WAC: variants seen among roughly 807,000 people sequenced by gnomAD.
The protein encoded by WAC is WW domain-containing adapter protein with coiled-coil.
In WAC, 11 loss-of-function variants were observed where a neutral mutation model predicts 79.6. That is an observed-to-expected ratio of 0.14 (90% CI 0.09 to 0.23). WAC has a LOEUF of 0.23. WAC is among the 10% of genes least tolerant of loss of function. The probability of loss-of-function intolerance (pLI) is 1.00; values close to 1 mark genes in which losing one functional copy is unlikely to be tolerated. For synonymous variants in WAC, 304 were observed against 276.9 expected (o/e 1.10, Z -0.97); for missense variants, 728 against 773.5 (o/e 0.94, Z 0.70).
chr10:28,582,905 A>G (rs529874642), intron 3 of WAC, among the ~76,000 whole-genome samples: 1 of 152,280 alleles, frequency 6.6e-6, no homozygotes, highest in African/African-American at 2.4e-5. Flanking sequence ...AACTTCTTGA[A>G]AAAAGTTGAT....
chr10:28,610,853 T>C (rs1485444462), intron 9 of WAC, 32 bp downstream of exon 9: 10 of 1,542,016 alleles, frequency 6.5e-6, no homozygotes, highest in Non-Finnish European at 8.7e-6. Context: ...ATCTCTAGAA[T>C]GGCATCTTGA....
At chr10:28,567,564 A>T (rs965887612) in intron 3 of WAC, among the ~76,000 whole-genome samples, 2 of 152,116 alleles carry the variant, frequency 1.3e-5, no homozygotes, top group Non-Finnish European at 2.9e-5. Flanking sequence ...GATCCAGGCA[A>T]AGATGTAGGG....
At chr10:28,550,332 A>T (rs1440539411) in intron 3 of WAC, among the ~76,000 whole-genome samples, 1 of 149,588 alleles carries the variant, frequency 6.7e-6, no homozygotes, top group Non-Finnish European at 1.5e-5. Flanking sequence ...ATGTGTTTTC[A>T]TAGCCAAAAT....
chr10:28,541,166 AC>A (rs1234430404), intron 3 of WAC, among the ~76,000 whole-genome samples: 1 of 152,044 alleles, frequency 6.6e-6, no homozygotes, highest in Non-Finnish European at 1.5e-5. Flanking sequence ...TTTTGGTGTA[AC>A]ATACTTGGGG....
rs191639583 is a variant in WAC at position 28,563,391 on chromosome 10, T to C, written c.275-20008T>C. On this transcript the variant is annotated intron_variant, in intron 3 of 13. Coordinates refer to ENST00000354911, the MANE Select transcript of WAC (RefSeq NM_016628.5). ...ACAAAAGAGTTAATAGTTCTCTATT[T>C]TAGGAAATATTTGTTAGAATTCTTA... Among the ~76,000 whole-genome samples, 4 of 152,304 alleles carry C rather than the reference T, an allele frequency of 2.6e-5. No individual in the cohort carries two copies. In the East Asian group the frequency reaches 7.7e-4, roughly 29 times the overall value.
chr10:28,619,513 C>T lies in WAC; in HGVS notation c.1875-24C>T, dbSNP rs770933130. The T allele has an allele frequency of 3.9e-6, 6 of 1,545,516 alleles. No individual in the cohort carries two copies. The Admixed American group carries it at 1.3e-4, about 34-fold the overall frequency. On this transcript the variant is annotated intron_variant, in intron 13 of 13. Coordinates refer to ENST00000354911, the MANE Select transcript of WAC (RefSeq NM_016628.5). ...TAATATTTGTATATGTACACAGGTT[C>T]TAATGTCTGCTTTTTTTTTTCAGGA...
At chr10:28,561,474 A>G (rs1838295840) in intron 3 of WAC, among the ~76,000 whole-genome samples, 1 of 151,340 alleles carries the variant, frequency 6.6e-6, no homozygotes, top group African/African-American at 2.4e-5. Context: ...ATTTAATCCA[A>G]AATGAAAAGT....
At chr10:28,566,030 A>T (rs78463437) in intron 3 of WAC, among the ~76,000 whole-genome samples, 1 of 152,168 alleles carries the variant, frequency 6.6e-6, no homozygotes, top group East Asian at 1.9e-4. Context: ...TTAAAAAAAA[A>T]TTAGAGTAAA....
At chr10:28,618,419 A>T (rs1841566321) in intron 13 of WAC, among the ~76,000 whole-genome samples, 3 of 152,238 alleles carry the variant, frequency 2.0e-5, no homozygotes, top group Admixed American at 2.0e-4. Flanking sequence ...TACCAAATGG[A>T]GTTTATAGTA....
chr10:28,566,851 T>C (rs1838645862), intron 3 of WAC, among the ~76,000 whole-genome samples: 1 of 152,128 alleles, frequency 6.6e-6, no homozygotes, highest in Non-Finnish European at 1.5e-5. Flanking sequence ...TTCAGTTCTT[T>C]ATTTTTGCTG....
chr10:28,612,788 A>T (rs975521448), intron 10 of WAC, among the ~76,000 whole-genome samples: 1 of 152,160 alleles, frequency 6.6e-6, no homozygotes. Context: ...TACAGTTGTT[A>T]GTTTATTATG....
At chr10:28,567,631 T>TTATTGGTATCTG (rs1395920376) in intron 3 of WAC, among the ~76,000 whole-genome samples, 2 of 152,104 alleles carry the variant, frequency 1.3e-5, no homozygotes, top group East Asian at 3.9e-4. Context: ...AAAAGGCAGT[T>TTATTGGTATCTG]TATTGGTACA....
rs1405777935 is a variant in WAC, at chr10:28,621,301, C to A, written c.*1695C>A. 7.1e-6 allele frequency: 1 copy of A among 140,046 alleles called. No individual in the cohort carries two copies. Among genetic ancestry groups the A allele is most frequent in the Non-Finnish European group, 1.5e-5 (1 of 66,020 alleles). The allele number at this position is 140,046 out of a possible 1,614,324, so 8.7% of individuals were successfully genotyped here. A position where few individuals can be genotyped will look rare whatever the true frequency, so the allele number is the denominator to read the frequency against. On this transcript the variant is annotated 3_prime_UTR_variant, in exon 14 of 14. Coordinates refer to ENST00000354911, the MANE Select transcript of WAC (RefSeq NM_016628.5). ...AGGGCTTATTTTTTATGTTAGACAT[C>A]AATGTCAATGTTACTACATTCTCGG... is the stretch of plus-strand genomic sequence containing the variant.
intron 3 of WAC, among the ~76,000 whole-genome samples, chr10:28,554,629 G>A (rs1327041291): frequency 1.3e-5 from 2 of 152,092 alleles, no homozygotes; most frequent in African/African-American, 2.4e-5. Flanking sequence ...TTCCCTCCCA[G>A]TTCATTCTCC....
rs377375899 is a variant in WAC at position 28,588,950 on chromosome 10, A to G, written c.382-786A>G. 3.3e-4 allele frequency: 51 copies of G among 152,320 alleles called. No homozygotes were observed. The East Asian group carries it at 9.6e-3, about 29-fold the overall frequency. The allele number at this position is 152,320 out of a possible 1,614,324, so 9.4% of individuals were successfully genotyped here. ...TGAAAAAATAAGGAATTCAACCAGG[A>G]TAGTTGAGATTCTACCAGATTTCCT... is the stretch of plus-strand genomic sequence containing the variant. On this transcript the variant is annotated intron_variant, in intron 4 of 13. Coordinates refer to ENST00000354911, the MANE Select transcript of WAC (RefSeq NM_016628.5).
chr10:28,589,838 G>A lies in WAC; in HGVS notation c.484G>A (p.Glu162Lys). ...TEVSQWEKPK[E>K]WLEREQRQKE... ...AGTTTCACAATGGGAAAAACCAAAA[G>A]AGTGGCTTGAAAGGTAATTAGCTTT... Residue 162 changes from glutamate to lysine, a missense_variant, in exon 5 of 14, where the codon GAG becomes AAG. By Grantham distance (56) the Glu-to-Lys change is moderately conservative. Around this residue, in one of 3 missense-constraint regions of WAC, gnomAD observed 648 missense variants for 661.5 expected, o/e 0.98. Transcript: ENST00000354911. 6.2e-7 allele frequency: 1 copy of A among 1,610,434 alleles called. No homozygotes were observed. Among genetic ancestry groups the A allele is most frequent in the Non-Finnish European group, 8.5e-7 (1 of 1,176,890 alleles).
chr10:28,561,087 A>G (rs1286356110), intron 3 of WAC, among the ~76,000 whole-genome samples: 3 of 152,260 alleles, frequency 2.0e-5, no homozygotes, highest in Non-Finnish European at 4.4e-5. Context: ...TAGGTCTGCC[A>G]GTAGATCAGA....
chr10:28,587,232 T>C (rs1839864021), intron 4 of WAC, among the ~76,000 whole-genome samples: 1 of 152,198 alleles, frequency 6.6e-6, no homozygotes. Flanking sequence ...GTAACATCTT[T>C]GTGAAAAGTA....
At chr10:28,553,704 C>A (rs1416147112) in intron 3 of WAC, among the ~76,000 whole-genome samples, 1 of 151,994 alleles carries the variant, frequency 6.6e-6, no homozygotes, top group Non-Finnish European at 1.5e-5. Context: ...CCTTATATAT[C>A]CATGGATTCC....
Sources: gnomAD v4.1 joint callset for allele counts (sites outside exome capture counted in the v4.1 genomes callset) on GRCh38, gnomAD v4.1.1 for gene constraint, gnomAD v4.1.1 regional missense constraint, MANE v1.5 for transcripts, NCBI Gene and HGNC (gene_info 2026-07-23, HGNC 2026-07-21) for gene names.